The following PRMT3 variants were observed in gnomAD, a reference collection of about 807,000 sequenced individuals.
The protein encoded by PRMT3 is protein arginine methyltransferase 3.
In PRMT3, 62 loss-of-function variants were observed where a neutral mutation model predicts 71.9. That is an observed-to-expected ratio of 0.86 (90% CI 0.70 to 1.07). PRMT3 has a LOEUF of 1.07. Among genes scored for constraint, PRMT3 ranks in the 50% least tolerant of loss-of-function variants. PRMT3 has a pLI of 0.00. For synonymous variants in PRMT3, 213 were observed against 220.4 expected (o/e 0.97, Z 0.30); for missense variants, 663 against 643.0 (o/e 1.03, Z -0.34).
At chr11:20,410,712 G>T (rs1849176197) in intron 9 of PRMT3, among the ~76,000 whole-genome samples, 1 of 152,038 alleles carries the variant, frequency 6.6e-6, no homozygotes, top group Non-Finnish European at 1.5e-5. Flanking sequence ...GGGATTAATA[G>T]TCTTTGTTTT....
chr11:20,407,213 A>G (rs1031457438), intron 8 of PRMT3: 1 of 151,696 alleles, frequency 6.6e-6, no homozygotes, highest in Non-Finnish European at 1.5e-5. Context: ...CTGATCTTTT[A>G]TTTTTCATTT....
chr11:20,399,795 A>G (rs1848909857), intron 7 of PRMT3, among the ~76,000 whole-genome samples: 1 of 152,192 alleles, frequency 6.6e-6, no homozygotes, highest in African/African-American at 2.4e-5. Flanking sequence ...ATAAGACTTC[A>G]CACCTGCTCT....
intron 13 of PRMT3, among the ~76,000 whole-genome samples, chr11:20,466,453 C>G (rs1164431931): frequency 6.6e-6 from 1 of 152,182 alleles, no homozygotes; most frequent in Non-Finnish European, 1.5e-5. Context: ...TCCTGGTCCT[C>G]TGTCCTCCCA....
At chr11:20,436,814 G>A (rs746693400) in intron 10 of PRMT3, among the ~76,000 whole-genome samples, 11 of 152,018 alleles carry the variant, frequency 7.2e-5, no homozygotes, top group Non-Finnish European at 1.6e-4. Flanking sequence ...GAGTTTGGAA[G>A]AAATCCCCCC....
intron 15 of PRMT3, among the ~76,000 whole-genome samples, chr11:20,496,079 A>T (rs957894140): frequency 5.3e-5 from 8 of 152,220 alleles, no homozygotes; most frequent in African/African-American, 9.6e-5. Flanking sequence ...TTTCCTAGGC[A>T]TGTATTCTAA....
At chr11:20,501,534 T>C (rs187416880) in intron 15 of PRMT3, among the ~76,000 whole-genome samples, 2 of 152,270 alleles carry the variant, frequency 1.3e-5, no homozygotes, top group African/African-American at 2.4e-5. Context: ...TCTATAGTTA[T>C]ATTGAAACTA....
chr11:20,431,529 A>G (rs181678992), intron 10 of PRMT3, among the ~76,000 whole-genome samples: 96 of 152,270 alleles, frequency 6.3e-4, no homozygotes, highest in African/African-American at 2.2e-3. Context: ...AATTCAATAA[A>G]TAACAGTTGA....
intron 13 of PRMT3, among the ~76,000 whole-genome samples, chr11:20,474,999 A>C (rs1252078678): frequency 6.6e-6 from 1 of 152,220 alleles, no homozygotes; most frequent in Admixed American, 6.5e-5. Flanking sequence ...TGTTTACTAA[A>C]GGACTTAGAA....
At chr11:20,408,758 T>C (rs1315321234) in intron 9 of PRMT3, among the ~76,000 whole-genome samples, 1 of 152,198 alleles carries the variant, frequency 6.6e-6, no homozygotes, top group Non-Finnish European at 1.5e-5. Flanking sequence ...ATAGCAACTT[T>C]TAAGTGATTC....
At chr11:20,447,157 G>A (rs776789948) in intron 10 of PRMT3, among the ~76,000 whole-genome samples, 1 of 152,094 alleles carries the variant, frequency 6.6e-6, no homozygotes, top group East Asian at 1.9e-4. Flanking sequence ...CTTAAGTTTG[G>A]TGCTTTTTTT....
At chr11:20,460,971 TCTC>T (rs1258310272) in intron 11 of PRMT3, among the ~76,000 whole-genome samples, 1 of 152,214 alleles carries the variant, frequency 6.6e-6, no homozygotes, top group Non-Finnish European at 1.5e-5. Flanking sequence ...CTCCCATTAT[TCTC>T]CACATTGCAT....
At chr11:20,420,456 C>G (rs1473711197) in intron 9 of PRMT3, among the ~76,000 whole-genome samples, 2 of 152,198 alleles carry the variant, frequency 1.3e-5, no homozygotes, top group Non-Finnish European at 2.9e-5. Context: ...TTGGGCCACA[C>G]AGCAGGAGGT....
chr11:20,457,640 AG>A lies in PRMT3; in HGVS notation c.1073-4338del, dbSNP rs1370021032. On this transcript the variant is annotated intron_variant, in intron 11 of 15. Transcript: ENST00000331079. ...AACTGGTGAACATGAGATTAGCAGT[AG>A]GTTTATACTTTATAAAAGTTATGAA... Among the ~76,000 whole-genome samples the A allele has an allele frequency of 2.0e-5, 3 of 152,220 alleles. 1 individual carries two copies. The East Asian group carries it at 5.8e-4, about 29-fold the overall frequency.
chr11:20,476,399 G>A (rs1469742733), intron 13 of PRMT3, among the ~76,000 whole-genome samples: 6 of 152,116 alleles, frequency 3.9e-5, no homozygotes, highest in Non-Finnish European at 7.3e-5. Context: ...TTAATGAAAG[G>A]AGGCAAGTAC....
At chr11:20,422,787 C>T (rs1251164798) in intron 9 of PRMT3, among the ~76,000 whole-genome samples, 1 of 152,172 alleles carries the variant, frequency 6.6e-6, no homozygotes, top group Non-Finnish European at 1.5e-5. Context: ...ACACGTGAAC[C>T]TAATTACCCG....
chr11:20,496,011 AAC>A (rs1851322975), intron 15 of PRMT3, among the ~76,000 whole-genome samples: 1 of 152,170 alleles, frequency 6.6e-6, no homozygotes, highest in Admixed American at 6.6e-5. Context: ...AACTTTCGAG[AAC>A]AGTTTGATAC....
At chr11:20,440,079 T>C (rs7933513) in intron 10 of PRMT3, among the ~76,000 whole-genome samples, 148,914 of 152,310 alleles carry the variant, frequency 0.98, 73,020 homozygotes, top group Middle Eastern at 1. Flanking sequence ...TCATAGAAAA[T>C]GAAGAAATCA....
chr11:20,425,982 A>G (rs1009746815), intron 9 of PRMT3, among the ~76,000 whole-genome samples: 1 of 152,252 alleles, frequency 6.6e-6, no homozygotes, highest in African/African-American at 2.4e-5. Flanking sequence ...TTGAGAATTT[A>G]TTAATCAGAT....
At chr11:20,392,283 A>C (rs1043070573) in intron 4 of PRMT3, 23 bp downstream of exon 4, 2 of 1,544,072 alleles carry the variant, frequency 1.3e-6, no homozygotes, top group African/African-American at 1.4e-5. Flanking sequence ...CTTAATTTAT[A>C]ATTTCGTTTA....
Sources: allele counts gnomAD v4.1 joint callset (sites outside exome capture counted in the v4.1 genomes callset), GRCh38; gene constraint gnomAD v4.1.1; transcripts MANE v1.5; gene names NCBI Gene and HGNC (gene_info 2026-07-23, HGNC 2026-07-21).